Variants in MORN3 observed in about 807,000 individuals in gnomAD.
MORN3 encodes MORN repeat containing 3.
Under a neutral mutation model 34.7 loss-of-function variants are expected in MORN3, and 38 were observed. The observed-to-expected ratio is 1.10, with a 90% CI of 0.85 to 1.44. The LOEUF (loss-of-function observed/expected upper bound fraction) is 1.44. MORN3 is among the 40% of genes most tolerant of loss of function. The probability of loss-of-function intolerance (pLI) is 0.00; values close to 1 mark genes in which losing one functional copy is unlikely to be tolerated. For missense variants in MORN3, 311 were observed against 321.7 expected, an observed-to-expected ratio of 0.97 and a Z score of 0.25; for synonymous variants, 109 against 115.3, an observed-to-expected ratio of 0.95 and a Z score of 0.35.
intron 2 of MORN3, among the ~76,000 whole-genome samples, chr12:121,656,274 T>C (rs1893413686): frequency 6.6e-6 from 1 of 152,130 alleles, no homozygotes; most frequent in South Asian, 2.1e-4. Flanking sequence ...TTTTTTTTCT[T>C]CCTGGCTAAC....
chr12:121,664,556 C>T (rs1480488139), intron 1 of MORN3, among the ~76,000 whole-genome samples: 1 of 152,104 alleles, frequency 6.6e-6, no homozygotes, highest in Non-Finnish European at 1.5e-5. Context: ...GTCGGGAGTT[C>T]GAGACCAGCC....
At chr12:121,669,834 T>TAA (rs1566488482), upstream of MORN3, among the ~76,000 whole-genome samples, 1 of 92,270 alleles carries the variant, frequency 1.1e-5, no homozygotes, top group African/African-American at 4.6e-5. Context: ...ATATATATAT[T>TAA]TTTTTTTTTA....
intron 1 of MORN3, among the ~76,000 whole-genome samples, chr12:121,663,441 AC>A (rs1177839723): frequency 3.3e-5 from 5 of 152,024 alleles, no homozygotes; most frequent in Non-Finnish European, 5.9e-5. Context: ...CAGGAGATCC[AC>A]CCATCTCAGC....
At chr12:121,653,771 G>C (rs536607564) in intron 3 of MORN3, among the ~76,000 whole-genome samples, 1 of 152,216 alleles carries the variant, frequency 6.6e-6, no homozygotes, top group African/African-American at 2.4e-5. Context: ...CTCCCAAAGT[G>C]CTGGGATTAC....
intron 1 of MORN3, among the ~76,000 whole-genome samples, chr12:121,668,768 A>C (rs1893855124): frequency 6.6e-6 from 1 of 152,202 alleles, no homozygotes; most frequent in Non-Finnish European, 1.5e-5. Flanking sequence ...TGGAGTGAGC[A>C]GCAGTGCCAC....
chr12:121,656,448 T>G (rs1245472833), intron 2 of MORN3, among the ~76,000 whole-genome samples: 2 of 152,070 alleles, frequency 1.3e-5, no homozygotes, highest in Non-Finnish European at 2.9e-5. Flanking sequence ...CTCAGCCTTT[T>G]GAAAAGTTGG....
intron 1 of MORN3, among the ~76,000 whole-genome samples, chr12:121,661,704 G>A (rs1351387808): frequency 2.0e-5 from 3 of 151,862 alleles, no homozygotes; most frequent in African/African-American, 7.3e-5. Flanking sequence ...AGTGAAACCT[G>A]GTCTCTACTA....
chr12:121,659,132 C>G, intron 2 of MORN3, 59 bp downstream of exon 2: 2 of 1,492,756 alleles, frequency 1.3e-6, no homozygotes, highest in South Asian at 1.2e-5. Context: ...TAAACACACA[C>G]GCGCGCACAC....
chr12:121,666,482 C>T (rs1441702894), intron 1 of MORN3, among the ~76,000 whole-genome samples: 1 of 152,014 alleles, frequency 6.6e-6, no homozygotes, highest in Middle Eastern at 3.2e-3. Flanking sequence ...CCATCCTGGG[C>T]GACAGAGCAC....
chr12:121,655,568 G>A (rs1264412324), intron 2 of MORN3, among the ~76,000 whole-genome samples: 1 of 151,912 alleles, frequency 6.6e-6, no homozygotes, highest in Non-Finnish European at 1.5e-5. Flanking sequence ...AAAATTAGCT[G>A]AGTGTGGTGG....
At chr12:121,669,761 T>C (rs940560281), upstream of MORN3, 1 of 278,000 alleles carries the variant, frequency 3.6e-6, no homozygotes, top group Non-Finnish European at 7.0e-6. Context: ...GGAGGGTTTG[T>C]GATGGCATCA....
intron 1 of MORN3, among the ~76,000 whole-genome samples, 196 bp from the exon 2 acceptor site, chr12:121,659,544 T>C (rs538532166): frequency 4.7e-5 from 7 of 148,870 alleles, no homozygotes; most frequent in East Asian, 3.9e-4. Flanking sequence ...TTCTTTCTTT[T>C]TTTTTTTTGA....
intron 1 of MORN3, among the ~76,000 whole-genome samples, chr12:121,668,219 C>T (rs1893831590): frequency 6.6e-6 from 1 of 151,854 alleles, no homozygotes; most frequent in Non-Finnish European, 1.5e-5. Context: ...GCACTTAACC[C>T]AGCAAGGCAG....
intron 3 of MORN3, among the ~76,000 whole-genome samples, chr12:121,654,010 C>T (rs966130867): frequency 2.0e-5 from 3 of 152,038 alleles, no homozygotes; most frequent in Non-Finnish European, 2.9e-5. Flanking sequence ...CCCCCATAGT[C>T]CTAGGCAACC....
At chr12:121,655,679 C>T (rs183567382) in intron 2 of MORN3, among the ~76,000 whole-genome samples, 1 of 151,864 alleles carries the variant, frequency 6.6e-6, no homozygotes, top group African/African-American at 2.4e-5. Flanking sequence ...CCATTGCACT[C>T]CCACCTGGGC....
intron 1 of MORN3, among the ~76,000 whole-genome samples, chr12:121,664,002 T>C (rs1360255381): frequency 6.6e-6 from 1 of 152,146 alleles, no homozygotes; most frequent in Non-Finnish European, 1.5e-5. Flanking sequence ...ATCAGTGTAT[T>C]CTACCCACCA....
At chr12:121,652,092 C>G (rs533147846) in intron 5 of MORN3, among the ~76,000 whole-genome samples, 1 of 151,952 alleles carries the variant, frequency 6.6e-6, no homozygotes, top group African/African-American at 2.4e-5. Flanking sequence ...CCCTCCCCCA[C>G]GCCCAGCTAA....
chr12:121,669,608 C>T lies in MORN3; in HGVS notation c.-125G>A, dbSNP rs1425532130. 2 of 1,370,434 alleles carry T rather than the reference C, an allele frequency of 1.5e-6. No homozygotes were observed. The highest frequency in any genetic ancestry group is 1.8e-5 in the Admixed American group (1 of 54,614). 84.9% of individuals were successfully genotyped at this position (1,370,434 alleles called of 1,614,324 possible). A position where few individuals can be genotyped will look rare whatever the true frequency, so the allele number is the denominator to read the frequency against. On this transcript the variant is annotated 5_prime_UTR_variant, in exon 1 of 6. Coordinates refer to ENST00000355329, the MANE Select transcript of MORN3 (RefSeq NM_173855.5). Reference sequence around the variant, plus strand: ...GGAGAGTCATGTGTGTTCTGAGTCCCTGGGGCAGGTGAACAGCCCTTAGTG... The same window carrying T: ...GGAGAGTCATGTGTGTTCTGAGTCCTTGGGGCAGGTGAACAGCCCTTAGTG...
chr12:121,656,538 G>A (rs781956250), intron 2 of MORN3, among the ~76,000 whole-genome samples: 1 of 151,788 alleles, frequency 6.6e-6, no homozygotes, highest in Non-Finnish European at 1.5e-5. Flanking sequence ...ATTTTGAGAT[G>A]GAGTCTCACT....
Sources: gnomAD v4.1 joint callset for allele counts (sites outside exome capture counted in the v4.1 genomes callset) on GRCh38, gnomAD v4.1.1 for gene constraint, MANE v1.5 for transcripts, NCBI Gene and HGNC (gene_info 2026-07-23, HGNC 2026-07-21) for gene names.